GABRA1: variants seen among roughly 807,000 people sequenced by gnomAD.
GABRA1 encodes gamma-aminobutyric acid type A receptor subunit alpha1.
GABRA1 carries 9 observed loss-of-function variants against 48.9 expected under a neutral mutation model. That is an observed-to-expected ratio of 0.18 (90% CI 0.11 to 0.32). The LOEUF is 0.32. Among genes scored for constraint, GABRA1 ranks in the 10% least tolerant of loss-of-function variants. The pLI is 1.00. For synonymous variants in GABRA1, 210 were observed against 198.7 expected (o/e 1.06, Z -0.48); for missense variants, 285 against 553.8 (o/e 0.51, Z 4.87).
In GABRA1 at chr5:161,882,567, C is replaced by A; in HGVS notation, c.569C>A (p.Thr190Lys). The A allele has an allele frequency of 6.2e-7, 1 of 1,613,260 alleles. No individual in the cohort carries two copies. Among genetic ancestry groups the A allele is most frequent in the Non-Finnish European group, 8.5e-7 (1 of 1,179,510 alleles). The change falls in exon 7 of 10, where the codon ACA becomes AAA. Residue 190 changes from threonine (T) to lysine (K), a missense_variant. Coordinates refer to ENST00000393943, the MANE Select transcript of GABRA1 (RefSeq NM_001127644.2). ...TACTGTTTCCTTTTAGATGCTTATACAAGAGCAGAAGTTGTTTATGAATGG... is the reference window on the plus strand; with the variant it reads ...TACTGTTTCCTTTTAGATGCTTATAAAAGAGCAGAAGTTGTTTATGAATGG... ...CPLKFGSYAYTRAEVVYEWTR... is the reference protein window; with the variant it reads ...CPLKFGSYAYKRAEVVYEWTR...
At chr5:161,849,813 G>A (rs1186945548) in intron 1 of GABRA1, among the ~76,000 whole-genome samples, 2 of 152,014 alleles carry the variant, frequency 1.3e-5, no homozygotes, top group African/African-American at 4.8e-5. Context: ...ATTGAATTTC[G>A]AAAACTGACT....
At position 161,898,416 on chromosome 5, in the gene GABRA1, G is replaced by A. The variant is rs1304664477; in HGVS notation, c.*994G>A. On this transcript the variant is annotated 3_prime_UTR_variant, in exon 10 of 10. Coordinates refer to ENST00000393943, the MANE Select transcript of GABRA1 (RefSeq NM_001127644.2). Reference sequence around the variant, plus strand: ...GCAAACAAAAATAGAATATATAAACGATATATGTAAATATACAGCATGAGA... The same window carrying A: ...GCAAACAAAAATAGAATATATAAACAATATATGTAAATATACAGCATGAGA... 1.3e-5 allele frequency: 2 copies of A among 152,464 alleles called. No individual in the cohort carries two copies. Among genetic ancestry groups the A allele is most frequent in the Non-Finnish European group, 2.9e-5 (2 of 67,970 alleles). The allele number at this position is 152,464 out of a possible 1,614,324, so 9.4% of individuals were successfully genotyped here.
intron 2 of GABRA1, 27 bp from the exon 3 acceptor site, chr5:161,854,131 A>G: frequency 8.7e-7 from 1 of 1,152,990 alleles, no homozygotes; most frequent in African/African-American, 1.5e-5. Context: ...TAATTTAGCT[A>G]TTGCTTCTCT....
At chr5:161,856,991 A>G (rs1478564696) in intron 3 of GABRA1, among the ~76,000 whole-genome samples, 10 of 151,176 alleles carry the variant, frequency 6.6e-5, no homozygotes, top group Admixed American at 2.6e-4. Flanking sequence ...TTGGTACTTT[A>G]AGTATGACAT....
At chr5:161,889,632 T>C (rs971286040) in intron 7 of GABRA1, among the ~76,000 whole-genome samples, 1 of 152,076 alleles carries the variant, frequency 6.6e-6, no homozygotes, top group African/African-American at 2.4e-5. Context: ...GAGAATTCAG[T>C]GCATATTAGA....
chr5:161,885,652 A>T (rs559344603), intron 7 of GABRA1, among the ~76,000 whole-genome samples: 113 of 152,300 alleles, frequency 7.4e-4, no homozygotes, highest in African/African-American at 2.6e-3. Context: ...TTTCTAGTTC[A>T]GTACACATAC....
At chr5:161,869,554 A>G (rs997239833) in intron 4 of GABRA1, among the ~76,000 whole-genome samples, 29 of 152,204 alleles carry the variant, frequency 1.9e-4, no homozygotes, top group Non-Finnish European at 7.3e-5. Context: ...TTCTGACAGA[A>G]ATATCCAGGC....
intron 3 of GABRA1, among the ~76,000 whole-genome samples, 161 bp downstream of exon 3, chr5:161,854,431 T>C (rs1757567971): frequency 1.3e-5 from 2 of 151,820 alleles, no homozygotes; most frequent in East Asian, 3.9e-4. Context: ...CAAGTTACTC[T>C]GTAGTTTCAT....
intron 3 of GABRA1, among the ~76,000 whole-genome samples, chr5:161,863,861 T>C (rs188204040): frequency 6.3e-4 from 95 of 151,986 alleles, no homozygotes; most frequent in African/African-American, 2.2e-3. Flanking sequence ...TGGGGAAACA[T>C]GGGTAAACAA....
At chr5:161,886,349 T>C (rs1205611125) in intron 7 of GABRA1, among the ~76,000 whole-genome samples, 1 of 46,258 alleles carries the variant, frequency 2.2e-5, no homozygotes, top group Non-Finnish European at 4.1e-5. Context: ...ATTTTTATGG[T>C]TTTTTTTTTT....
intron 1 of GABRA1, 62 bp downstream of exon 1, chr5:161,848,484 G>T (rs1049516006): frequency 1.4e-5 from 2 of 138,122 alleles, no homozygotes; most frequent in African/African-American, 5.7e-5. Context: ...TTCCTAGCTG[G>T]AGAGACAGGA....
rs149711259 is a variant in GABRA1 at position 161,859,281 on chromosome 5, G to T, written c.187+5011G>T. 2.3e-3 allele frequency among the ~76,000 whole-genome samples: 343 copies of T among 151,668 alleles called. 3 individuals are homozygous for T. The highest frequency in any genetic ancestry group is 8.0e-3 in the African/African-American group (332 of 41,438). On this transcript the variant is annotated intron_variant, in intron 3 of 9. Transcript: ENST00000393943. ...TACCATCATATTTTTTCCTAATCTT[G>T]AATTATTTATGCCAATATAAAACCT...
chr5:161,899,843 G>A lies in GABRA1; in HGVS notation c.*2421G>A, dbSNP rs1218524095. ...GGCAATAAAACCTAACATGAATCAA[G>A]GTTGTTTATGGCAGATGCATGTGTT... On this transcript the variant is annotated 3_prime_UTR_variant, in exon 10 of 10. Transcript: ENST00000393943. 6.6e-6 allele frequency: 1 copy of A among 152,098 alleles called. No homozygotes were observed. The highest frequency in any genetic ancestry group is 1.5e-5 in the Non-Finnish European group (1 of 67,998). 9.4% of individuals were successfully genotyped at this position (152,098 alleles called of 1,614,324 possible). A position where few individuals can be genotyped will look rare whatever the true frequency, so the allele number is the denominator to read the frequency against.
chr5:161,852,295 G>A (rs963084952), intron 2 of GABRA1, among the ~76,000 whole-genome samples: 1 of 152,042 alleles, frequency 6.6e-6, no homozygotes, highest in Non-Finnish European at 1.5e-5. Flanking sequence ...TAAAAACTTA[G>A]AGGGTGTAGA....
At chr5:161,860,027 CA>C (rs796723121) in intron 3 of GABRA1, among the ~76,000 whole-genome samples, 10 of 151,842 alleles carry the variant, frequency 6.6e-5, no homozygotes, top group African/African-American at 2.4e-4. Flanking sequence ...TGGCAAAATG[CA>C]ATACATTTCC....
Position 161,898,182 on chromosome 5 carries a change from C to T in GABRA1, c.*760C>T, listed in dbSNP as rs1380430558. ...CTCAAGGAAGAATAATTTTAACAGACATGTATACTCCATAGAAACTAAACT... is the reference window on the plus strand; with the variant it reads ...CTCAAGGAAGAATAATTTTAACAGATATGTATACTCCATAGAAACTAAACT... On this transcript the variant is annotated 3_prime_UTR_variant, in exon 10 of 10. Transcript: ENST00000393943. 2 of 152,528 alleles carry T rather than the reference C, an allele frequency of 1.3e-5. No homozygotes were observed. Among genetic ancestry groups the T allele is most frequent in the Non-Finnish European group, 2.9e-5 (2 of 68,022 alleles). The allele number at this position is 152,528 out of a possible 1,614,324, so 9.4% of individuals were successfully genotyped here. A position where few individuals can be genotyped will look rare whatever the true frequency, so the allele number is the denominator to read the frequency against.
intron 1 of GABRA1, chr5:161,849,028 A>G (rs947979499): frequency 1.3e-5 from 6 of 454,636 alleles, no homozygotes; most frequent in African/African-American, 1.2e-4. Flanking sequence ...TATGGATGGC[A>G]TGGGATGGTA....
chr5:161,869,192 T>G (rs1229951621), intron 4 of GABRA1, among the ~76,000 whole-genome samples: 1 of 152,158 alleles, frequency 6.6e-6, no homozygotes, highest in Admixed American at 6.6e-5. Context: ...AATTTTGTAG[T>G]TTTTAAAGTG....
intron 8 of GABRA1, among the ~76,000 whole-genome samples, chr5:161,894,687 G>A (rs1206011233): frequency 6.7e-6 from 1 of 150,326 alleles, no homozygotes; most frequent in Non-Finnish European, 1.5e-5. Context: ...TGGTTTAAAG[G>A]GAACCTGACA....
Sources: allele counts gnomAD v4.1 joint callset (sites outside exome capture counted in the v4.1 genomes callset), GRCh38; gene constraint gnomAD v4.1.1; transcripts MANE v1.5; gene names NCBI Gene and HGNC (gene_info 2026-07-23, HGNC 2026-07-21).